SOX5: variants seen among roughly 807,000 people sequenced by gnomAD.
SOX5 encodes transcription factor SOX-5.
In SOX5, 9 loss-of-function variants were observed where a neutral mutation model predicts 92.0. That is an observed-to-expected ratio of 0.10 (90% confidence interval 0.06 to 0.17). The LOEUF (loss-of-function observed/expected upper bound fraction) is 0.17. SOX5 is among the 10% of genes least tolerant of loss of function. SOX5 has a pLI of 1.00. For missense variants in SOX5, 642 were observed against 944.5 expected (o/e 0.68, Z 4.20); for synonymous variants, 344 against 336.3 (o/e 1.02, Z -0.25).
chr12:24,220,390 A>G (rs1396892208), intron 3 of SOX5, among the ~76,000 whole-genome samples: 1 of 152,126 alleles, frequency 6.6e-6, no homozygotes, highest in East Asian at 1.9e-4. Context: ...CACACGATAT[A>G]AAAATGATTC....
chr12:24,389,775 G>A (rs1356962504), intron 1 of SOX5, among the ~76,000 whole-genome samples: 1 of 152,142 alleles, frequency 6.6e-6, no homozygotes, highest in Non-Finnish European at 1.5e-5. Context: ...TAACTCATGA[G>A]GTTTAACATT....
At chr12:24,046,672 C>CTTTTTT (rs61416662) in intron 4 of SOX5, among the ~76,000 whole-genome samples, 1 of 126,768 alleles carries the variant, frequency 7.9e-6, no homozygotes, top group African/African-American at 2.9e-5. Context: ...TAAAATGTGT[C>CTTTTTT]TTTTTTTTTT....
chr12:23,689,035 C>T (rs2088208423), intron 6 of SOX5, among the ~76,000 whole-genome samples: 1 of 152,110 alleles, frequency 6.6e-6, no homozygotes, highest in Non-Finnish European at 1.5e-5. Flanking sequence ...CTAGTGTAAG[C>T]TCATTTGTTT....
intron 1 of SOX5, among the ~76,000 whole-genome samples, chr12:24,373,677 GATAT>G (rs1171842427): frequency 1.3e-5 from 2 of 152,080 alleles, no homozygotes; most frequent in African/African-American, 2.4e-5. Context: ...TATCAAAATG[GATAT>G]ATATAGATAT....
chr12:23,984,738 C>T (rs571340783), intron 4 of SOX5, among the ~76,000 whole-genome samples: 1 of 152,252 alleles, frequency 6.6e-6, no homozygotes. Flanking sequence ...CGGTAAAGCT[C>T]TTACTGTCAT....
At chr12:24,358,599 G>A (rs1415999460) in intron 2 of SOX5, among the ~76,000 whole-genome samples, 2 of 141,922 alleles carry the variant, frequency 1.4e-5, no homozygotes, top group African/African-American at 5.2e-5. Context: ...GCAACAGAGC[G>A]AGACTCCATC....
At chr12:23,662,158 CAT>C (rs890532528) in intron 7 of SOX5, among the ~76,000 whole-genome samples, 20 of 145,326 alleles carry the variant, frequency 1.4e-4, no homozygotes, top group Admixed American at 2.7e-4. Flanking sequence ...CACACATATA[CAT>C]ATATATATAT....
intron 6 of SOX5, among the ~76,000 whole-genome samples, chr12:23,705,281 AG>A (rs1207135120): frequency 2.6e-5 from 4 of 151,952 alleles, no homozygotes; most frequent in Admixed American, 1.3e-4. Flanking sequence ...AAAGTGGCCA[AG>A]TAAAAGAGCG....
intron 4 of SOX5, among the ~76,000 whole-genome samples, chr12:24,212,845 G>A (rs1030655742): frequency 7.2e-5 from 11 of 152,248 alleles, no homozygotes; most frequent in Admixed American, 3.3e-4. Context: ...TACTATTAGC[G>A]TTGGCAAACA....
intron 4 of SOX5, among the ~76,000 whole-genome samples, chr12:24,113,083 G>T (rs539693002): frequency 6.6e-6 from 1 of 151,338 alleles, no homozygotes; most frequent in Non-Finnish European, 1.5e-5. Flanking sequence ...AGCTGTTCAG[G>T]TGCTTATTTA....
At chr12:24,456,388 A>T (rs1943021322) in intron 1 of SOX5, among the ~76,000 whole-genome samples, 1 of 152,130 alleles carries the variant, frequency 6.6e-6, no homozygotes, top group African/African-American at 2.4e-5. Context: ...TTAACATTCC[A>T]TCTCTATTCA....
chr12:23,859,877 T>C (rs954264768), intron 2 of SOX5, among the ~76,000 whole-genome samples: 1 of 152,068 alleles, frequency 6.6e-6, no homozygotes, highest in Admixed American at 6.6e-5. Context: ...TAGTTCACAA[T>C]AGAAAAGACA....
intron 3 of SOX5, among the ~76,000 whole-genome samples, chr12:23,782,180 A>G (rs2095294213): frequency 1.3e-5 from 2 of 152,110 alleles, no homozygotes; most frequent in African/African-American, 2.4e-5. Context: ...AGCTATAAGT[A>G]TTTATGTCAT....
intron 2 of SOX5, among the ~76,000 whole-genome samples, chr12:24,317,583 G>C (rs1949815259): frequency 6.6e-6 from 1 of 152,058 alleles, no homozygotes; most frequent in African/African-American, 2.4e-5. Flanking sequence ...ACTGTTGCTG[G>C]GACTTCACCA....
intron 3 of SOX5, among the ~76,000 whole-genome samples, chr12:24,255,768 G>A (rs17413172): frequency 0.023 from 3,570 of 152,124 alleles, 70 homozygotes; most frequent in Middle Eastern, 0.044. Flanking sequence ...CTTCTTTCCC[G>A]GAACATAAGT....
At chr12:23,755,529 A>T in intron 4 of SOX5, 109 bp downstream of exon 4, 1 of 740,942 alleles carries the variant, frequency 1.3e-6, no homozygotes, top group Non-Finnish European at 2.2e-6. Context: ...AACACAGAGA[A>T]TGCAAGAAGC....
chr12:23,994,517 T>C (rs1355652898), intron 4 of SOX5, among the ~76,000 whole-genome samples: 1 of 152,184 alleles, frequency 6.6e-6, no homozygotes, highest in East Asian at 1.9e-4. Context: ...ACATGGATTC[T>C]TTTTGCTCAA....
At chr12:23,632,328 A>G in intron 8 of SOX5, 1 of 152,156 alleles carries the variant, frequency 6.6e-6, no homozygotes, top group East Asian at 1.9e-4. Context: ...AGAGCAGTTG[A>G]TCATTATTCA....
chr12:23,588,536 G>T (rs1341115090), intron 9 of SOX5, among the ~76,000 whole-genome samples: 2 of 151,860 alleles, frequency 1.3e-5, no homozygotes, highest in Non-Finnish European at 2.9e-5. Context: ...TTCCATAAAA[G>T]ACTTTATATA....
Sources: allele counts gnomAD v4.1 joint callset (sites outside exome capture counted in the v4.1 genomes callset), GRCh38; gene constraint gnomAD v4.1.1; transcripts MANE v1.5; gene names NCBI Gene and HGNC (gene_info 2026-07-23, HGNC 2026-07-21).